MYH14: variants seen among roughly 807,000 people sequenced by gnomAD.
The protein encoded by MYH14 is myosin-14.
MYH14 carries 123 observed loss-of-function variants against 255.5 expected under a neutral mutation model. That is an observed-to-expected ratio of 0.48 (90% confidence interval 0.42 to 0.56). The LOEUF (loss-of-function observed/expected upper bound fraction) is 0.56. Ranked by LOEUF, MYH14 falls within the 20% of genes least tolerant of loss-of-function variation. The pLI is 0.00. For missense variants in MYH14, 2,423 were observed against 2,802.3 expected (o/e 0.86, Z 3.06); for synonymous variants, 1,095 against 1,161.2 (o/e 0.94, Z 1.16).
chr19:50,274,932 CAA>C (rs1206238409), intron 27 of MYH14, among the ~76,000 whole-genome samples: 64 of 115,668 alleles, frequency 5.5e-4, no homozygotes, highest in South Asian at 1.3e-3. Context: ...CCCTCTCTCT[CAA>C]AAAAAAAAAA....
At chr19:50,242,112 C>G (rs2033916463) in intron 10 of MYH14, among the ~76,000 whole-genome samples, 2 of 152,198 alleles carry the variant, frequency 1.3e-5, no homozygotes, top group African/African-American at 4.8e-5. Flanking sequence ...TAGAAACCGT[C>G]CGCATCCAAG....
chr19:50,232,540 G>A (rs1210995020), intron 10 of MYH14, among the ~76,000 whole-genome samples: 2 of 147,052 alleles, frequency 1.4e-5, no homozygotes, highest in East Asian at 2.0e-4. Flanking sequence ...GTTGCAGTGA[G>A]CTGAGATCGC....
chr19:50,259,375 G>A (rs951645683), intron 19 of MYH14, 110 bp downstream of exon 19: 150 of 1,407,782 alleles, frequency 1.1e-4, no homozygotes, highest in Non-Finnish European at 1.4e-4. Flanking sequence ...CTTCTGCGCT[G>A]GGGAAGTTGA....
intron 10 of MYH14, among the ~76,000 whole-genome samples, chr19:50,237,356 G>A (rs1011486529): frequency 7.6e-5 from 11 of 144,748 alleles, no homozygotes; most frequent in African/African-American, 1.0e-4. Flanking sequence ...ACAGAGTCTC[G>A]TTCTGTCACC....
At position 50,286,627 on chromosome 19, in the gene MYH14, G is replaced by A. The variant is rs140118363; in HGVS notation, c.4685G>A (p.Arg1562Gln). 420 of 1,596,622 alleles carry A rather than the reference G, an allele frequency of 2.6e-4. 1 individual carries two copies. The African/African-American group carries it at 4.8e-3, about 18-fold the overall frequency. The change falls in exon 34 of 43, where the codon CGG becomes CAG. Residue 1562 changes from arginine (R) to glutamine (Q), a missense_variant. Around this residue, in one of 3 missense-constraint regions of MYH14, gnomAD observed 1,513 missense variants for 1,674.8 expected, o/e 0.90. Coordinates refer to ENST00000642316, the MANE Select transcript of MYH14 (RefSeq NM_001145809.2). ...EEQEAREELERQNRALRAELE... is the reference protein window; with the variant it reads ...EEQEAREELEQQNRALRAELE... ...CAGGAGGCACGTGAGGAGCTGGAGC[G>A]GCAGAACCGGGCCCTGCGGGCTGAG... is the stretch of plus-strand genomic sequence containing the variant.
chr19:50,286,584 C>A lies in MYH14; in HGVS notation c.4642C>A (p.Arg1548=). The A allele has an allele frequency of 7.5e-6, 12 of 1,608,712 alleles. No homozygotes were observed. Among genetic ancestry groups the A allele is most frequent in the Non-Finnish European group, 1.0e-5 (12 of 1,177,868 alleles). The change falls in exon 34 of 43, where the codon CGG becomes AGG. Residue 1548 remains arginine, a synonymous_variant. Coordinates refer to ENST00000642316, the MANE Select transcript of MYH14 (RefSeq NM_001145809.2). The part of the protein sequence containing the change: ...EREARALSLT[R]ALEEEQEARE... ...TGAGGCTCGGGCCCTGTCACTGACA[C>A]GGGCACTGGAGGAGGAGCAGGAGGC...
At chr19:50,232,383 G>C (rs2033442172) in intron 10 of MYH14, among the ~76,000 whole-genome samples, 1 of 152,164 alleles carries the variant, frequency 6.6e-6, no homozygotes, top group Non-Finnish European at 1.5e-5. Context: ...TTTGAGGTCA[G>C]GAGTTCAAGA....
At chr19:50,285,372 C>T (rs527259048) in intron 33 of MYH14, 1 of 152,328 alleles carries the variant, frequency 6.6e-6, no homozygotes, top group Admixed American at 6.5e-5. Context: ...AGTTTTCTCA[C>T]CGAGGAAGAG....
intron 1 of MYH14, among the ~76,000 whole-genome samples, chr19:50,206,305 T>C (rs1353745588): frequency 6.6e-6 from 1 of 151,800 alleles, no homozygotes; most frequent in South Asian, 2.1e-4. Flanking sequence ...GGCTGGGGGC[T>C]TGGACTCTTG....
intron 36 of MYH14, among the ~76,000 whole-genome samples, chr19:50,291,649 G>C (rs1198649589): frequency 1.3e-5 from 2 of 152,154 alleles, no homozygotes; most frequent in African/African-American, 4.8e-5. Context: ...CAGATCACCT[G>C]AGGTCAGGAG....
chr19:50,231,730 A>AAG (rs1555757667), intron 9 of MYH14, among the ~76,000 whole-genome samples, 200 bp from the exon 10 acceptor site: 4 of 77,758 alleles, frequency 5.1e-5, no homozygotes, highest in East Asian at 3.1e-4. Context: ...TTAAAAAAAA[A>AAG]AAATAGAGAC....
chr19:50,252,382 C>G lies in MYH14; in HGVS notation c.1831-257C>G, dbSNP rs1323939789. Among the ~76,000 whole-genome samples the G allele has an allele frequency of 2.0e-5, 3 of 151,978 alleles. No homozygotes were observed. Among genetic ancestry groups the G allele is most frequent in the Non-Finnish European group, 4.4e-5 (3 of 68,012 alleles). On this transcript the variant is annotated intron_variant, in intron 15 of 42. Coordinates refer to ENST00000642316, the MANE Select transcript of MYH14 (RefSeq NM_001145809.2). The surrounding 1 kb of genome is among the most constrained non-coding windows in gnomAD (Gnocchi z 4.2). ...AGGAACAGTGCGGAGGCCAGGGTGGCTGGAGCGGAATGAATAGGAAGAAAG... is the reference window on the plus strand; with the variant it reads ...AGGAACAGTGCGGAGGCCAGGGTGGGTGGAGCGGAATGAATAGGAAGAAAG...
intron 40 of MYH14, among the ~76,000 whole-genome samples, chr19:50,303,347 C>G (rs1260432709): frequency 2.6e-5 from 4 of 152,044 alleles, no homozygotes; most frequent in Admixed American, 2.6e-4. Flanking sequence ...TGTCTCTGCT[C>G]TATGTGGCCT....
chr19:50,249,503 CCCT>C, intron 13 of MYH14, 144 bp from the exon 14 acceptor site: 1 of 888,338 alleles, frequency 1.1e-6, no homozygotes, highest in Non-Finnish European at 1.7e-6. Flanking sequence ...GTCTCTGTCC[CCCT>C]CTCTCTGGGT....
rs1395205633 is a variant in MYH14 at position 50,290,746 on chromosome 19, CA to C, written c.4966-139del. The C allele has an allele frequency of 1.6e-5, 13 of 822,536 alleles. No homozygotes were observed. The African/African-American group carries it at 2.3e-4, about 14-fold the overall frequency. The allele number at this position is 822,536 out of a possible 1,614,324, so 51.0% of individuals were successfully genotyped here. A position where few individuals can be genotyped will look rare whatever the true frequency, so the allele number is the denominator to read the frequency against. On this transcript the variant is annotated intron_variant, in intron 35 of 42. Coordinates refer to ENST00000642316, the MANE Select transcript of MYH14 (RefSeq NM_001145809.2). ...GGGGCAGTAGGGATAGAGAGGAGAC[CA>C]AGTAAAGAGAGTCAGGGAGTGAGAG...
chr19:50,253,935 C>T (rs937879400), intron 16 of MYH14, among the ~76,000 whole-genome samples: 3 of 152,166 alleles, frequency 2.0e-5, no homozygotes, highest in South Asian at 2.1e-4. Context: ...ACAAAATGAG[C>T]GGCCAGGCGC....
At chr19:50,228,389 A>G (rs933194761) in intron 8 of MYH14, among the ~76,000 whole-genome samples, 4 of 152,152 alleles carry the variant, frequency 2.6e-5, no homozygotes, top group African/African-American at 9.7e-5. Context: ...AACTGCTAAT[A>G]AGCCACATCC....
At chr19:50,225,836 C>T (rs1291858148) in intron 7 of MYH14, among the ~76,000 whole-genome samples, 159 bp downstream of exon 7, 5 of 136,252 alleles carry the variant, frequency 3.7e-5, no homozygotes, top group African/African-American at 5.6e-5. Context: ...GGGGCCTGGA[C>T]CCCTGGGTCT....
At chr19:50,302,837 G>C (rs2036537870) in intron 40 of MYH14, among the ~76,000 whole-genome samples, 1 of 152,258 alleles carries the variant, frequency 6.6e-6, no homozygotes, top group Non-Finnish European at 1.5e-5. Flanking sequence ...AGGAGGCGGA[G>C]GTTGTGGTGA....
Sources: gnomAD v4.1 joint callset for allele counts (sites outside exome capture counted in the v4.1 genomes callset) on GRCh38, gnomAD v4.1.1 for gene constraint, gnomAD v4.1.1 regional missense constraint, Gnocchi (gnomAD v3.1) non-coding constraint, MANE v1.5 for transcripts, NCBI Gene and HGNC (gene_info 2026-07-23, HGNC 2026-07-21) for gene names.